CALN1: variants seen among roughly 807,000 people sequenced by gnomAD.
CALN1 encodes calneuron 1, also known as calcium-binding protein 8.
CALN1 carries 17 observed loss-of-function variants against 30.6 expected under a neutral mutation model. That is an observed-to-expected ratio of 0.56 (90% CI 0.38 to 0.83). The LOEUF is 0.83. Ranked by LOEUF, CALN1 falls within the 40% of genes least tolerant of loss-of-function variation. The pLI is 0.00. For synonymous variants in CALN1, 156 were observed against 131.4 expected (o/e 1.19, Z -1.28); for missense variants, 291 against 354.9 (o/e 0.82, Z 1.45).
chr7:71,835,206 G>A (rs1584330820), intron 5 of CALN1, among the ~76,000 whole-genome samples: 1 of 152,252 alleles, frequency 6.6e-6, no homozygotes, highest in East Asian at 1.9e-4. Context: ...TTTTGTTTTG[G>A]TAACTGATCA....
chr7:72,156,940 A>G (rs1026226774), intron 3 of CALN1, among the ~76,000 whole-genome samples: 1 of 152,198 alleles, frequency 6.6e-6, no homozygotes, highest in Non-Finnish European at 1.5e-5. Context: ...TGTTGAGAGG[A>G]TGCCAGGATT....
At chr7:72,493,638 C>T in the CALN1 span, among the ~76,000 whole-genome samples, 179 of 152,280 alleles carry the variant, frequency 1.2e-3, 1 homozygote, top group Middle Eastern at 0.014. Flanking sequence ...TACACCTGGC[C>T]GATTAATTAT....
At chr7:72,161,999 T>TTA (rs1041381923) in intron 3 of CALN1, among the ~76,000 whole-genome samples, 13 of 150,700 alleles carry the variant, frequency 8.6e-5, no homozygotes, top group South Asian at 4.2e-4. Flanking sequence ...ATATAATACT[T>TTA]TATATATATA....
intron 3 of CALN1, among the ~76,000 whole-genome samples, chr7:72,110,990 A>T (rs757847105): frequency 7.2e-5 from 11 of 152,172 alleles, no homozygotes; most frequent in Non-Finnish European, 1.5e-4. Context: ...ACCACAGATC[A>T]AGTTTTCAAG....
intron 3 of CALN1, among the ~76,000 whole-genome samples, chr7:72,159,706 G>A (rs1455316592): frequency 6.6e-6 from 1 of 152,136 alleles, no homozygotes; most frequent in African/African-American, 2.4e-5. Flanking sequence ...GCTGAGGCAG[G>A]AGGATGGCTT....
At chr7:72,075,451 C>CT (rs1804665729) in intron 4 of CALN1, among the ~76,000 whole-genome samples, 1 of 152,206 alleles carries the variant, frequency 6.6e-6, no homozygotes, top group Non-Finnish European at 1.5e-5. Context: ...AACAAAGTCT[C>CT]TATCTTTAGA....
chr7:72,264,820 C>T (rs1796504307), intron 3 of CALN1, among the ~76,000 whole-genome samples: 1 of 152,076 alleles, frequency 6.6e-6, no homozygotes, highest in South Asian at 2.1e-4. Context: ...TTTTCCTGAT[C>T]CTCTCCCTCC....
chr7:72,491,195 C>A, the CALN1 span, among the ~76,000 whole-genome samples: 1 of 150,836 alleles, frequency 6.6e-6, no homozygotes, highest in African/African-American at 2.4e-5. Context: ...AGTGAGCCAA[C>A]CAGCCTGGGC....
chr7:72,293,136 T>TA (rs1475388996), intron 2 of CALN1, among the ~76,000 whole-genome samples: 1 of 152,150 alleles, frequency 6.6e-6, no homozygotes, highest in African/African-American at 2.4e-5. Context: ...TATCAGGCAG[T>TA]TCAACAAGAG....
In CALN1 at chr7:72,412,259, C is replaced by A. The variant is rs933495548; in HGVS notation, c.-275G>T. ...CGTGAGCTTTAAAGGTGGCGCGGAC[C>A]CAGAGTAAGCAGTAAGCTTTATTAA... is the stretch of plus-strand genomic sequence containing the variant. On this transcript the variant is annotated 5_prime_UTR_variant, in exon 1 of 7. Coordinates refer to ENST00000395275, the MANE Select transcript of CALN1 (RefSeq NM_031468.4). 1.3e-5 allele frequency: 2 copies of A among 152,024 alleles called. No individual in the cohort carries two copies. The highest frequency in any genetic ancestry group is 2.9e-5 in the Non-Finnish European group (2 of 68,006). The allele number at this position is 152,024 out of a possible 1,614,324, so 9.4% of individuals were successfully genotyped here.
chr7:72,058,826 A>G (rs565950557), intron 4 of CALN1, among the ~76,000 whole-genome samples: 2 of 152,298 alleles, frequency 1.3e-5, no homozygotes, highest in South Asian at 4.1e-4. Context: ...GTGCAAAAGG[A>G]CAGTGACGTG....
At chr7:72,487,762 G>GAA in the CALN1 span, among the ~76,000 whole-genome samples, 9 of 98,482 alleles carry the variant, frequency 9.1e-5, no homozygotes, top group African/African-American at 2.3e-4. Flanking sequence ...AGGAAGGAAG[G>GAA]GTAAAGAAAG....
intron 3 of CALN1, among the ~76,000 whole-genome samples, chr7:72,270,558 G>A (rs1382408042): frequency 6.6e-6 from 1 of 152,092 alleles, no homozygotes; most frequent in Non-Finnish European, 1.5e-5. Context: ...GATTACATGA[G>A]CCCTGGAGTT....
chr7:71,800,792 G>A (rs1787253031), intron 6 of CALN1, among the ~76,000 whole-genome samples: 1 of 151,460 alleles, frequency 6.6e-6, no homozygotes, highest in African/African-American at 2.4e-5. Context: ...ATTTTCTTTT[G>A]TTTTGACTCA....
intron 5 of CALN1, among the ~76,000 whole-genome samples, chr7:71,944,326 G>C (rs893634093): frequency 1.3e-5 from 2 of 151,970 alleles, no homozygotes; most frequent in African/African-American, 4.8e-5. Flanking sequence ...TGGGCGTGGT[G>C]GCTCACACCT....
chr7:71,789,954 T>A (rs1472001696), intron 6 of CALN1, among the ~76,000 whole-genome samples: 1 of 151,598 alleles, frequency 6.6e-6, no homozygotes, highest in East Asian at 1.9e-4. Context: ...AAAAAAAAAT[T>A]TAGCTGGGTG....
intron 3 of CALN1, among the ~76,000 whole-genome samples, chr7:72,120,765 A>G (rs746937465): frequency 6.6e-6 from 1 of 152,166 alleles, no homozygotes; most frequent in Non-Finnish European, 1.5e-5. Context: ...AGAGGATTAC[A>G]AGGCTACGCT....
rs1159000894 is a variant in CALN1, at chr7:71,779,666, G to A, written c.*8109C>T. 3 of 151,918 alleles carry A rather than the reference G, an allele frequency of 2.0e-5. No individual in the cohort carries two copies. The highest frequency in any genetic ancestry group is 2.9e-5 in the Non-Finnish European group (2 of 68,006). 9.4% of individuals were successfully genotyped at this position (151,918 alleles called of 1,614,324 possible). A position where few individuals can be genotyped will look rare whatever the true frequency, so the allele number is the denominator to read the frequency against. ...TTAATAATATATACTTCATTTGATC[G>A]GTAAGTTGCATGCTAAGTTAATTTA... is the stretch of plus-strand genomic sequence containing the variant. On this transcript the variant is annotated 3_prime_UTR_variant, in exon 7 of 7. Coordinates refer to ENST00000395275, the MANE Select transcript of CALN1 (RefSeq NM_031468.4).
At chr7:72,084,828 G>C (rs1805377221) in intron 4 of CALN1, among the ~76,000 whole-genome samples, 1 of 152,106 alleles carries the variant, frequency 6.6e-6, no homozygotes, top group Non-Finnish European at 1.5e-5. Flanking sequence ...TTGGTTAACT[G>C]GTCAACTGCG....
Sources: allele counts gnomAD v4.1 joint callset (sites outside exome capture counted in the v4.1 genomes callset), GRCh38; gene constraint gnomAD v4.1.1; transcripts MANE v1.5; gene names NCBI Gene and HGNC (gene_info 2026-07-23, HGNC 2026-07-21).